Variants in HMGCS1 observed in about 807,000 individuals in gnomAD.
The protein encoded by HMGCS1 is hydroxymethylglutaryl-CoA synthase, cytoplasmic.
In HMGCS1, 9 loss-of-function variants were observed where a neutral mutation model predicts 52.3. The observed-to-expected ratio is 0.17, with a 90% CI of 0.10 to 0.30. HMGCS1 has a LOEUF of 0.30. Ranked by LOEUF, HMGCS1 falls within the 10% of genes least tolerant of loss-of-function variation. HMGCS1 has a pLI of 1.00. For missense variants in HMGCS1, 320 were observed against 620.9 expected (o/e 0.52, Z 5.15); for synonymous variants, 176 against 214.4 (o/e 0.82, Z 1.57).
intron 2 of HMGCS1, among the ~76,000 whole-genome samples, chr5:43,302,421 T>C (rs1226084550): frequency 6.6e-6 from 1 of 152,228 alleles, no homozygotes; most frequent in Non-Finnish European, 1.5e-5. Context: ...CTAGATCACA[T>C]AGGTCACATT....
chr5:43,288,494 G>A lies in HMGCS1; in HGVS notation c.*2637C>T, dbSNP rs1469036871. 6.6e-6 allele frequency: 1 copy of A among 152,144 alleles called. No individual in the cohort carries two copies. Among genetic ancestry groups the A allele is most frequent in the Admixed American group, 6.5e-5 (1 of 15,280 alleles). 9.4% of individuals were successfully genotyped at this position (152,144 alleles called of 1,614,324 possible). On this transcript the variant is annotated 3_prime_UTR_variant, in exon 11 of 11. Transcript: ENST00000325110. ...ACAAGAGATAAAGTGTTTCAACTGT[G>A]TCACAAGAGGACAGAAAGTGGCTGT...
chr5:43,295,924 G>C lies in HMGCS1; in HGVS notation c.740-7C>G. 6.2e-7 allele frequency: 1 copy of C among 1,606,446 alleles called. No homozygotes were observed. The highest frequency in any genetic ancestry group is 1.1e-5 in the South Asian group (1 of 90,622). ...AAATCTTTATCATTTCCCTCTGAAA[G>C]AGAAGTCCAAGGAAACTATGAAATT... On this transcript the variant is annotated splice_polypyrimidine_tract_variant and splice_region_variant and intron_variant, in intron 5 of 10. Coordinates refer to ENST00000325110, the MANE Select transcript of HMGCS1 (RefSeq NM_001098272.3).
At chr5:43,292,001 T>C (rs1374228970) in intron 10 of HMGCS1, among the ~76,000 whole-genome samples, 1 of 142,934 alleles carries the variant, frequency 7.0e-6, no homozygotes, top group Non-Finnish European at 1.5e-5. Flanking sequence ...TTTTTTTTTT[T>C]TTTTTTTTTT....
chr5:43,296,247 T>C (rs1359608451), intron 5 of HMGCS1, among the ~76,000 whole-genome samples: 1 of 152,170 alleles, frequency 6.6e-6, no homozygotes, highest in African/African-American at 2.4e-5. Context: ...ACTGAATAAC[T>C]TGCAGCAAGG....
At chr5:43,292,737 G>A in intron 9 of HMGCS1, 100 bp from the exon 10 acceptor site, 1 of 1,490,494 alleles carries the variant, frequency 6.7e-7, no homozygotes, top group Non-Finnish European at 9.3e-7. Flanking sequence ...AATTTTCACT[G>A]ACATCAGATT....
rs148897882 is a variant in HMGCS1, at chr5:43,290,840, C to A, written c.*291G>T. 1.3e-3 allele frequency: 367 copies of A among 289,762 alleles called. No individual in the cohort carries two copies. Among genetic ancestry groups the A allele is most frequent in the African/African-American group, 7.1e-3 (334 of 47,108 alleles). 17.9% of individuals were successfully genotyped at this position (289,762 alleles called of 1,614,324 possible). A position where few individuals can be genotyped will look rare whatever the true frequency, so the allele number is the denominator to read the frequency against. On this transcript the variant is annotated 3_prime_UTR_variant, in exon 11 of 11. Coordinates refer to ENST00000325110, the MANE Select transcript of HMGCS1 (RefSeq NM_001098272.3). ...CAATTCATTATACCATGTTTAAAAA[C>A]CAAACATCATGCATACAAATGGCCA...
Position 43,288,173 on chromosome 5 carries a change from A to C in HMGCS1, c.*2958T>G, listed in dbSNP as rs1753580007. 6.6e-6 allele frequency: 1 copy of C among 152,194 alleles called. No individual in the cohort carries two copies. Among genetic ancestry groups the C allele is most frequent in the African/African-American group, 2.4e-5 (1 of 41,434 alleles). The allele number at this position is 152,194 out of a possible 1,614,324, so 9.4% of individuals were successfully genotyped here. On this transcript the variant is annotated 3_prime_UTR_variant, in exon 11 of 11. Transcript: ENST00000325110. ...ACATTCTTTTTAATATTAAAAGATA[A>C]AGCCCCAATATATAACCCATCTGAG...
intron 4 of HMGCS1, 77 bp from the exon 5 acceptor site, chr5:43,297,243 T>C: frequency 4.2e-6 from 5 of 1,184,178 alleles, no homozygotes; most frequent in Middle Eastern, 2.1e-4. Context: ...TACTGCATTA[T>C]CTAAGGACCT....
intron 2 of HMGCS1, among the ~76,000 whole-genome samples, chr5:43,300,802 GA>G (rs34564699): frequency 0.14 from 17,294 of 120,250 alleles, 2,529 homozygotes; most frequent in African/African-American, 0.39. Flanking sequence ...ATAGAGAAAG[GA>G]AAAAAAAAAA....
intron 2 of HMGCS1, among the ~76,000 whole-genome samples, chr5:43,300,708 T>A (rs1485477034): frequency 6.6e-6 from 1 of 150,638 alleles, no homozygotes; most frequent in East Asian, 2.0e-4. Flanking sequence ...GGTAGCAGGA[T>A]CACTTGAGCC....
At position 43,290,938 on chromosome 5, in the gene HMGCS1, A is replaced by C; in HGVS notation, c.*193T>G. On this transcript the variant is annotated 3_prime_UTR_variant, in exon 11 of 11. Transcript: ENST00000325110. ...TGGCATTGGCCAGACCACAACAGGA[A>C]GCATGTCAGCAAATAGAGCAAAGAG... The C allele has an allele frequency of 1.8e-6, 1 of 547,000 alleles. No individual in the cohort carries two copies. Among genetic ancestry groups the C allele is most frequent in the Non-Finnish European group, 3.3e-6 (1 of 304,252 alleles). 33.9% of individuals were successfully genotyped at this position (547,000 alleles called of 1,614,324 possible). A position where few individuals can be genotyped will look rare whatever the true frequency, so the allele number is the denominator to read the frequency against.
At chr5:43,291,812 C>T (rs183623420) in intron 10 of HMGCS1, among the ~76,000 whole-genome samples, 21 of 152,088 alleles carry the variant, frequency 1.4e-4, no homozygotes, top group Admixed American at 1.2e-3. Context: ...ATGATTGTTA[C>T]TTCTTGACAA....
At chr5:43,312,855 T>G (rs1258400322) in intron 1 of HMGCS1, among the ~76,000 whole-genome samples, 1 of 152,132 alleles carries the variant, frequency 6.6e-6, no homozygotes, top group Non-Finnish European at 1.5e-5. Flanking sequence ...ACTTCCCTTC[T>G]TTCCATCAAC....
intron 4 of HMGCS1, 98 bp from the exon 5 acceptor site, chr5:43,297,264 T>C: frequency 2.1e-6 from 2 of 953,768 alleles, no homozygotes; most frequent in Non-Finnish European, 3.2e-6. Context: ...TCCTTAACTA[T>C]CTGATCAATT....
chr5:43,293,743 T>A, intron 8 of HMGCS1: 2 of 176,050 alleles, frequency 1.1e-5, no homozygotes, highest in Non-Finnish European at 1.2e-5. Context: ...TGACAGAGTC[T>A]CGCTCTGTCA....
chr5:43,298,422 A>G lies in HMGCS1; in HGVS notation c.448+96T>C, dbSNP rs1754140956. The stretch of plus-strand genomic sequence containing the variant: ...TATATCCAAACAAGGACAAATTACA[A>G]AAGTTTGCGTATTGCATTAATTAAA... On this transcript the variant is annotated intron_variant, in intron 3 of 10. Transcript: ENST00000325110. The surrounding 1 kb of genome is among the most constrained non-coding windows in gnomAD (Gnocchi z 5.6). The G allele has an allele frequency of 1.4e-5, 12 of 882,492 alleles. No homozygotes were observed. In the South Asian group the frequency reaches 1.5e-4, roughly 11 times the overall value. 54.7% of individuals were successfully genotyped at this position (882,492 alleles called of 1,614,324 possible).
chr5:43,312,020 C>A (rs1754896207), intron 1 of HMGCS1, among the ~76,000 whole-genome samples: 1 of 152,170 alleles, frequency 6.6e-6, no homozygotes, highest in African/African-American at 2.4e-5. Context: ...CTTCTTCACA[C>A]AAAAATAACT....
At chr5:43,293,748 C>A in intron 8 of HMGCS1, 3 of 179,646 alleles carry the variant, frequency 1.7e-5, no homozygotes, top group Non-Finnish European at 3.4e-5. Flanking sequence ...GAGTCTCGCT[C>A]TGTCACCCAG....
chr5:43,309,237 A>C (rs578156444), intron 1 of HMGCS1, among the ~76,000 whole-genome samples: 308 of 148,058 alleles, frequency 2.1e-3, no homozygotes, highest in Non-Finnish European at 3.4e-3. Flanking sequence ...TATTCCCTCA[A>C]ATTTTTTTTT....
Sources: allele counts gnomAD v4.1 joint callset (sites outside exome capture counted in the v4.1 genomes callset), GRCh38; gene constraint gnomAD v4.1.1; non-coding constraint Gnocchi (gnomAD v3.1); transcripts MANE v1.5; gene names NCBI Gene and HGNC (gene_info 2026-07-23, HGNC 2026-07-21).